COP1: variants seen among roughly 807,000 people sequenced by gnomAD.
The protein encoded by COP1 is E3 ubiquitin-protein ligase COP1.
Under a neutral mutation model 101.3 loss-of-function variants are expected in COP1, and 24 were observed. The observed-to-expected ratio is 0.24, with a 90% CI of 0.17 to 0.33. The LOEUF is 0.33. Ranked by LOEUF, COP1 falls within the 10% of genes least tolerant of loss-of-function variation. The pLI is 1.00. For synonymous variants in COP1, 347 were observed against 341.9 expected, an observed-to-expected ratio of 1.01 and a Z score of -0.17; for missense variants, 663 against 906.2, an observed-to-expected ratio of 0.73 and a Z score of 3.45.
intron 18 of COP1, among the ~76,000 whole-genome samples, chr1:175,952,261 A>C (rs1650036114): frequency 6.6e-6 from 1 of 152,032 alleles, no homozygotes; most frequent in Non-Finnish European, 1.5e-5. Context: ...ATCTCTACTA[A>C]AAATACAAAA....
intron 9 of COP1, among the ~76,000 whole-genome samples, chr1:176,109,244 G>T (rs573502710): frequency 1.3e-5 from 2 of 152,136 alleles, no homozygotes; most frequent in East Asian, 3.9e-4. Context: ...CTTATATGTA[G>T]GGTAGACTTC....
At chr1:175,974,694 A>G (rs1363024099) in intron 18 of COP1, among the ~76,000 whole-genome samples, 3 of 152,196 alleles carry the variant, frequency 2.0e-5, no homozygotes, top group Admixed American at 1.3e-4. Context: ...ACAGAAATAA[A>G]AAACGCTTTT....
intron 15 of COP1, among the ~76,000 whole-genome samples, chr1:176,009,301 T>C (rs1664169793): frequency 6.6e-6 from 1 of 152,194 alleles, no homozygotes; most frequent in Admixed American, 6.5e-5. Context: ...GGTCAAATAG[T>C]AACAATATTC....
chr1:176,123,081 A>C (rs1481842438), intron 8 of COP1, among the ~76,000 whole-genome samples: 1 of 152,240 alleles, frequency 6.6e-6, no homozygotes, highest in Non-Finnish European at 1.5e-5. Context: ...GTTGGAGTAG[A>C]TTACAATTTA....
intron 18 of COP1, among the ~76,000 whole-genome samples, chr1:175,973,497 A>C (rs1312813105): frequency 6.6e-6 from 1 of 152,330 alleles, no homozygotes; most frequent in South Asian, 2.1e-4. Context: ...AAGTTGCTAA[A>C]TGTTACACAT....
In COP1 at chr1:176,005,466, C is replaced by T. The variant is rs532237433; in HGVS notation, c.1730-15987G>A. On this transcript the variant is annotated intron_variant, in intron 15 of 19. Transcript: ENST00000367669. ...GTTAGGGTGTCAATTTTGGATCTTT[C>T]CTGCTTTCTCTTGTGGGCATTTAGT... Among the ~76,000 whole-genome samples, 53 of 152,094 alleles carry T rather than the reference C, an allele frequency of 3.5e-4. No homozygotes were observed. In the East Asian group the frequency reaches 7.3e-3, roughly 21 times the overall value.
At chr1:176,084,820 C>T (rs1055994359) in intron 10 of COP1, among the ~76,000 whole-genome samples, 2 of 150,724 alleles carry the variant, frequency 1.3e-5, no homozygotes, top group South Asian at 2.1e-4. Context: ...AAACCAACAC[C>T]CAGTTTTTAA....
chr1:176,092,142 G>A (rs1681444774), intron 9 of COP1, among the ~76,000 whole-genome samples: 1 of 152,054 alleles, frequency 6.6e-6, no homozygotes, highest in Non-Finnish European at 1.5e-5. Flanking sequence ...CAAGTCAACT[G>A]AGTTATGCAA....
At chr1:175,986,352 C>A (rs1458427632) in intron 18 of COP1, among the ~76,000 whole-genome samples, 1 of 152,094 alleles carries the variant, frequency 6.6e-6, no homozygotes, top group Non-Finnish European at 1.5e-5. Context: ...TTATGAAAAA[C>A]CTTATACTTT....
intron 18 of COP1, among the ~76,000 whole-genome samples, chr1:175,954,748 T>G (rs1193995230): frequency 6.6e-6 from 1 of 152,022 alleles, no homozygotes; most frequent in Admixed American, 6.6e-5. Flanking sequence ...AGCTTGTAAA[T>G]CAAACAAAAC....
At chr1:176,120,454 A>T (rs1194266567) in intron 8 of COP1, among the ~76,000 whole-genome samples, 1 of 152,124 alleles carries the variant, frequency 6.6e-6, no homozygotes, top group Non-Finnish European at 1.5e-5. Flanking sequence ...AAGCTTAATA[A>T]AGACATCAAA....
chr1:176,184,337 G>C (rs1004682374), intron 2 of COP1, among the ~76,000 whole-genome samples: 2 of 152,130 alleles, frequency 1.3e-5, no homozygotes, highest in African/African-American at 2.4e-5. Context: ...GGTTGGTCCT[G>C]ATTGTCCAGC....
At chr1:176,020,878 A>T (rs1015976179) in intron 15 of COP1, among the ~76,000 whole-genome samples, 6 of 152,262 alleles carry the variant, frequency 3.9e-5, no homozygotes, top group African/African-American at 1.4e-4. Context: ...CACATAATCT[A>T]AAGTATTTAC....
chr1:176,197,527 C>T (rs987324517), intron 1 of COP1, among the ~76,000 whole-genome samples: 3 of 152,128 alleles, frequency 2.0e-5, no homozygotes, highest in Non-Finnish European at 4.4e-5. Flanking sequence ...GTTTAAGCCA[C>T]CTAGTCTGTT....
At chr1:175,969,124 G>C (rs115604846) in intron 18 of COP1, among the ~76,000 whole-genome samples, 1,706 of 152,270 alleles carry the variant, frequency 0.011, 20 homozygotes, top group Non-Finnish European at 0.017. Context: ...CATGTTAACA[G>C]AAAAAGCAAT....
chr1:176,047,011 A>C (rs1671635784), intron 11 of COP1, among the ~76,000 whole-genome samples: 1 of 152,126 alleles, frequency 6.6e-6, no homozygotes, highest in African/African-American at 2.4e-5. Context: ...CTTGCTGATC[A>C]TTTTTATATA....
At chr1:176,148,179 G>A (rs550415687) in intron 6 of COP1, among the ~76,000 whole-genome samples, 2 of 152,012 alleles carry the variant, frequency 1.3e-5, no homozygotes, top group East Asian at 1.9e-4. Context: ...TTGAGAATAA[G>A]AAAAATCTAG....
intron 11 of COP1, among the ~76,000 whole-genome samples, chr1:176,053,916 C>T (rs537361616): frequency 2.0e-5 from 3 of 152,202 alleles, no homozygotes; most frequent in Admixed American, 2.0e-4. Context: ...TTAAATTTCT[C>T]TACTCACTCT....
intron 15 of COP1, among the ~76,000 whole-genome samples, 165 bp downstream of exon 15, chr1:176,027,407 C>T (rs1434356037): frequency 6.6e-6 from 1 of 152,146 alleles, no homozygotes; most frequent in African/African-American, 2.4e-5. Flanking sequence ...TAAGGTACAG[C>T]ACTAAATGAG....
Sources: gnomAD v4.1 joint callset for allele counts (sites outside exome capture counted in the v4.1 genomes callset) on GRCh38, gnomAD v4.1.1 for gene constraint, MANE v1.5 for transcripts, NCBI Gene and HGNC (gene_info 2026-07-23, HGNC 2026-07-21) for gene names.